The following AFG3L2 variants were observed in gnomAD, a reference collection of about 807,000 sequenced individuals.
AFG3L2 encodes mitochondrial inner membrane m-AAA protease component AFG3L2.
AFG3L2 carries 54 observed loss-of-function variants against 94.5 expected under a neutral mutation model. The observed-to-expected ratio is 0.57, with a 90% CI of 0.46 to 0.72. AFG3L2 has a LOEUF of 0.72. Ranked by LOEUF, AFG3L2 falls within the 30% of genes least tolerant of loss-of-function variation. AFG3L2 has a pLI of 0.00. For synonymous variants in AFG3L2, 377 were observed against 365.5 expected (o/e 1.03, Z -0.36); for missense variants, 754 against 994.9 (o/e 0.76, Z 3.26).
chr18:12,329,601 C>G lies in AFG3L2; in HGVS notation c.2358G>C (p.Glu786Asp). The change falls in exon 17 of 17, where the codon GAG becomes GAC. Residue 786 changes from glutamate to aspartate, a missense_variant. Physicochemically the swap from Glu to Asp is conservative, Grantham distance 45. Around this residue, in one of 4 missense-constraint regions of AFG3L2, gnomAD observed 279 missense variants for 378.6 expected, o/e 0.74. Transcript: ENST00000269143. ...LKDWNKEREK[E>D]KEEPPGEKVA... The stretch of plus-strand genomic sequence containing the variant: ...CTTTCTCACCCGGGGGCTCCTCTTT[C>G]TCCTTTTCCCGCTCCTTGTTCCAGT... 1 of 1,614,190 alleles carries G rather than the reference C, an allele frequency of 6.2e-7. No individual in the cohort carries two copies. Among genetic ancestry groups the G allele is most frequent in the Non-Finnish European group, 8.5e-7 (1 of 1,180,042 alleles).
chr18:12,372,812 G>A (rs1009475815), intron 1 of AFG3L2, among the ~76,000 whole-genome samples: 4 of 152,168 alleles, frequency 2.6e-5, no homozygotes, highest in African/African-American at 9.7e-5. Flanking sequence ...CCATTTATAC[G>A]AAATGTCTAG....
intron 13 of AFG3L2, 56 bp downstream of exon 13, chr18:12,348,217 T>C (rs1908206870): frequency 6.9e-7 from 1 of 1,448,716 alleles, no homozygotes; most frequent in Non-Finnish European, 9.7e-7. Flanking sequence ...GAGAAATCCC[T>C]GGCCTCAAAT....
chr18:12,373,731 G>C (rs893784556), intron 1 of AFG3L2, among the ~76,000 whole-genome samples: 57 of 152,194 alleles, frequency 3.7e-4, no homozygotes, highest in African/African-American at 1.3e-3. Flanking sequence ...ATCAAAACAC[G>C]GTGGGAGAAG....
chr18:12,345,605 T>C (rs1357357715), intron 13 of AFG3L2, among the ~76,000 whole-genome samples: 4 of 152,174 alleles, frequency 2.6e-5, no homozygotes, highest in African/African-American at 9.7e-5. Context: ...TTCCCCACAG[T>C]TCACCTTAGG....
chr18:12,332,280 C>T (rs1259029293), intron 16 of AFG3L2, among the ~76,000 whole-genome samples: 2 of 151,912 alleles, frequency 1.3e-5, no homozygotes, highest in South Asian at 2.1e-4. Flanking sequence ...TCCACCACCA[C>T]GCCCAGCTAA....
chr18:12,343,212 T>C (rs967429254), intron 14 of AFG3L2: 5 of 152,242 alleles, frequency 3.3e-5, no homozygotes, highest in Non-Finnish European at 7.3e-5. Context: ...GCTAATGAAA[T>C]TGAATTTTTA....
intron 16 of AFG3L2, among the ~76,000 whole-genome samples, chr18:12,331,565 C>T (rs554536051): frequency 2.0e-5 from 3 of 152,102 alleles, no homozygotes; most frequent in East Asian, 1.9e-4. Flanking sequence ...CACTTTGGGG[C>T]GGCGGATCAC....
Position 12,376,868 on chromosome 18 carries a change from C to T in AFG3L2, c.114+101G>A, listed in dbSNP as rs1028456238. 1.7e-4 allele frequency: 160 copies of T among 931,246 alleles called. 1 individual carries two copies. Among genetic ancestry groups the T allele is most frequent in the Middle Eastern group, 3.8e-4 (1 of 2,632 alleles). The allele number at this position is 931,246 out of a possible 1,614,324, so 57.7% of individuals were successfully genotyped here. On this transcript the variant is annotated intron_variant, in intron 1 of 16. Transcript: ENST00000269143. The stretch of plus-strand genomic sequence containing the variant: ...GCCCTCGGCAGGGACGGCCCGCGTG[C>T]GGCCGGAGGGCGGGGGCCAGTGACC...
chr18:12,352,823 G>A (rs1908359860), intron 10 of AFG3L2, among the ~76,000 whole-genome samples, 182 bp downstream of exon 10: 2 of 151,946 alleles, frequency 1.3e-5, no homozygotes, highest in African/African-American at 4.8e-5. Context: ...GGACATGAAA[G>A]GCATAAAAAG....
rs1315266180 is a variant in AFG3L2, at chr18:12,358,696, G to C, written c.1000C>G (p.Gln334Glu). 6.2e-7 allele frequency: 1 copy of C among 1,614,236 alleles called. No homozygotes were observed. Among genetic ancestry groups the C allele is most frequent in the South Asian group, 1.1e-5 (1 of 91,090 alleles). ...VNFLKNPKQY[Q>E]DLGAKIPKGA... ...TTTGGGATTTTTGCTCCTAGGTCTTGATACTGCTTTGGGTTTTTCAAGAAA... is the reference window on the plus strand; with the variant it reads ...TTTGGGATTTTTGCTCCTAGGTCTTCATACTGCTTTGGGTTTTTCAAGAAA... The change falls in exon 8 of 17, where the codon CAA becomes GAA. Residue 334 changes from glutamine (Q) to glutamate (E), a missense_variant. Around this residue, in one of 4 missense-constraint regions of AFG3L2, gnomAD observed 109 missense variants for 227.1 expected, o/e 0.48. Transcript: ENST00000269143.
chr18:12,329,450 G>T lies in AFG3L2; in HGVS notation c.*115C>A, dbSNP rs913625528. ...ACTCCTTTCCCCATCATTTCAGCTGGGCCAGTGGCTGGCTAAAATCAGCGC... is the reference window on the plus strand; with the variant it reads ...ACTCCTTTCCCCATCATTTCAGCTGTGCCAGTGGCTGGCTAAAATCAGCGC... On this transcript the variant is annotated 3_prime_UTR_variant, in exon 17 of 17. Transcript: ENST00000269143. 6 of 1,096,388 alleles carry T rather than the reference G, an allele frequency of 5.5e-6. No individual in the cohort carries two copies. The South Asian group carries it at 7.5e-5, about 14-fold the overall frequency. The allele number at this position is 1,096,388 out of a possible 1,614,324, so 67.9% of individuals were successfully genotyped here.
Position 12,360,028 on chromosome 18 carries a change from G to T in AFG3L2, c.651C>A (p.Gly217=). ...VDGQYVWFNI[G]SVDTFERNLE... Reference sequence around the variant, plus strand: ...GATTCCGTTCAAAGGTGTCCACACTGCCAATATTAAACCAAACGTATTGCT... The same window carrying T: ...GATTCCGTTCAAAGGTGTCCACACTTCCAATATTAAACCAAACGTATTGCT... The change falls in exon 7 of 17, where the codon GGC becomes GGA. Residue 217 remains glycine (G), a synonymous_variant. Transcript: ENST00000269143. The T allele has an allele frequency of 6.2e-7, 1 of 1,613,966 alleles. No individual in the cohort carries two copies. Among genetic ancestry groups the T allele is most frequent in the Non-Finnish European group, 8.5e-7 (1 of 1,179,896 alleles).
chr18:12,331,623 G>C (rs1907527095), intron 16 of AFG3L2, among the ~76,000 whole-genome samples: 1 of 151,976 alleles, frequency 6.6e-6, no homozygotes, highest in Non-Finnish European at 1.5e-5. Context: ...GTGAAACCCT[G>C]TCTCTACTAA....
At chr18:12,351,018 C>T (rs768855946) in intron 12 of AFG3L2, 67 bp downstream of exon 12, 414 of 1,592,646 alleles carry the variant, frequency 2.6e-4, no homozygotes, top group Non-Finnish European at 3.3e-4. Context: ...GAAAGTAAAC[C>T]GGTACCTGGT....
At position 12,354,852 on chromosome 18, in the gene AFG3L2, C is replaced by T. The variant is rs535217003; in HGVS notation, c.1165-1694G>A. On this transcript the variant is annotated intron_variant, in intron 9 of 16. Transcript: ENST00000269143. ...ATATCTCATGGCCCATCATCATTAA[C>T]ACCCAACTCCCCCTCATTCCCTATT... 4.7e-5 allele frequency among the ~76,000 whole-genome samples: 7 copies of T among 150,074 alleles called. No individual in the cohort carries two copies. In the East Asian group the frequency reaches 1.4e-3, roughly 30 times the overall value.
intron 15 of AFG3L2, among the ~76,000 whole-genome samples, chr18:12,339,474 C>A (rs1479666551): frequency 1.3e-5 from 2 of 151,052 alleles, no homozygotes; most frequent in African/African-American, 4.9e-5. Context: ...ATTGCTTGAA[C>A]CCAGGAGGCA....
intron 10 of AFG3L2, 78 bp downstream of exon 10, chr18:12,352,927 C>G (rs1908364360): frequency 6.3e-7 from 1 of 1,593,460 alleles, no homozygotes; most frequent in South Asian, 1.1e-5. Context: ...TCACTTCAGC[C>G]TGGACGACAG....
chr18:12,375,289 C>T (rs573364418), intron 1 of AFG3L2, among the ~76,000 whole-genome samples: 18 of 147,480 alleles, frequency 1.2e-4, no homozygotes, highest in African/African-American at 4.3e-4. Flanking sequence ...GAGTCCGTCA[C>T]CCACGCTGGA....
chr18:12,369,987 G>T (rs1168146602), intron 3 of AFG3L2, among the ~76,000 whole-genome samples: 1 of 148,254 alleles, frequency 6.7e-6, no homozygotes, highest in Non-Finnish European at 1.5e-5. Context: ...CCCAAGAGGC[G>T]GAGCTTGCAG....
Sources: allele counts gnomAD v4.1 joint callset (sites outside exome capture counted in the v4.1 genomes callset), GRCh38; gene constraint gnomAD v4.1.1; regional missense constraint gnomAD v4.1.1; transcripts MANE v1.5; gene names NCBI Gene and HGNC (gene_info 2026-07-23, HGNC 2026-07-21).